The following ZNF804A variants were observed in gnomAD, a reference collection of about 807,000 sequenced individuals.
ZNF804A encodes the protein zinc finger protein 804A.
ZNF804A carries 2 observed loss-of-function variants against 16.5 expected under a neutral mutation model. The observed-to-expected ratio is 0.12, with a 90% CI of 0.05 to 0.38. The LOEUF (loss-of-function observed/expected upper bound fraction) is 0.38. Among genes scored for constraint, ZNF804A ranks in the 10% least tolerant of loss-of-function variants. The pLI, the probability that ZNF804A is intolerant of heterozygous loss-of-function variation, is 0.99. For synonymous variants in ZNF804A, 534 were observed against 489.6 expected (o/e 1.09, Z -1.20); for missense variants, 1,473 against 1,390.7 (o/e 1.06, Z -0.94).
intron 1 of ZNF804A, among the ~76,000 whole-genome samples, chr2:184,856,746 G>C (rs1220777802): frequency 6.6e-6 from 1 of 151,960 alleles, no homozygotes; most frequent in African/African-American, 2.4e-5. Flanking sequence ...ATCACCTTCA[G>C]GCCATGTTAA....
chr2:184,754,022 C>G (rs1693916066), intron 1 of ZNF804A, among the ~76,000 whole-genome samples: 1 of 151,838 alleles, frequency 6.6e-6, no homozygotes. Flanking sequence ...CTCACTCTCT[C>G]TCTATCTCCA....
intron 1 of ZNF804A, among the ~76,000 whole-genome samples, chr2:184,685,393 T>C (rs1481950060): frequency 1.3e-5 from 2 of 152,056 alleles, no homozygotes; most frequent in East Asian, 3.9e-4. Context: ...CTTCTTGTTA[T>C]CTGCAATGTG....
At chr2:184,697,921 G>A (rs1692858970) in intron 1 of ZNF804A, among the ~76,000 whole-genome samples, 1 of 152,130 alleles carries the variant, frequency 6.6e-6, no homozygotes, top group East Asian at 1.9e-4. Flanking sequence ...TATTCACTGG[G>A]TGGGTCTGAA....
At chr2:184,604,461 C>T (rs759913923) in intron 1 of ZNF804A, among the ~76,000 whole-genome samples, 11 of 151,990 alleles carry the variant, frequency 7.2e-5, no homozygotes, top group African/African-American at 9.7e-5. Flanking sequence ...GCGTGAGCCA[C>T]CGCGCTCGGC....
At chr2:184,845,352 T>C (rs72905749) in intron 1 of ZNF804A, among the ~76,000 whole-genome samples, 1 of 152,112 alleles carries the variant, frequency 6.6e-6, no homozygotes. Flanking sequence ...AACATTAGCC[T>C]CTTAATGTCT....
Position 184,937,375 on chromosome 2 carries a change from C to T in ZNF804A, c.1979C>T (p.Pro660Leu), listed in dbSNP as rs1047440098. The change falls in exon 4 of 4, where the codon CCC (proline) becomes CTC (leucine). Residue 660 changes from proline to leucine, a missense_variant. Physicochemically the swap from Pro to Leu is moderately conservative, Grantham distance 98. Transcript: ENST00000302277. ...TCACATCAGTTACTTGATAAAAGGCCCAAATCAGAATCCATATCCTTAAGT... is the reference window on the plus strand; with the variant it reads ...TCACATCAGTTACTTGATAAAAGGCTCAAATCAGAATCCATATCCTTAAGT... ...LDSHQLLDKR[P>L]KSESISLSDN... The T allele has an allele frequency of 1.9e-6, 3 of 1,613,302 alleles. No homozygotes were observed. The highest frequency in any genetic ancestry group is 1.7e-6 in the Non-Finnish European group (2 of 1,179,790).
At chr2:184,798,755 T>C (rs1422742367) in intron 1 of ZNF804A, among the ~76,000 whole-genome samples, 1 of 152,146 alleles carries the variant, frequency 6.6e-6, no homozygotes, top group Non-Finnish European at 1.5e-5. Flanking sequence ...TTCCTCTTGG[T>C]TTGGATCCAT....
At chr2:184,863,215 G>T (rs993072463) in intron 1 of ZNF804A, among the ~76,000 whole-genome samples, 3 of 151,998 alleles carry the variant, frequency 2.0e-5, no homozygotes, top group Non-Finnish European at 4.4e-5. Flanking sequence ...GAATATTTGG[G>T]TTTAAATATG....
At chr2:184,675,094 G>A (rs932069425) in intron 1 of ZNF804A, among the ~76,000 whole-genome samples, 3 of 151,744 alleles carry the variant, frequency 2.0e-5, no homozygotes, top group Non-Finnish European at 4.4e-5. Context: ...ATGTAAGTAT[G>A]TACTGTGCAT....
At chr2:184,666,886 G>A (rs1376647971) in intron 1 of ZNF804A, among the ~76,000 whole-genome samples, 1 of 151,928 alleles carries the variant, frequency 6.6e-6, no homozygotes, top group African/African-American at 2.4e-5. Flanking sequence ...AAATTGAATT[G>A]CAGAAAACTG....
chr2:184,687,728 AC>A (rs1341883361), intron 1 of ZNF804A, among the ~76,000 whole-genome samples: 1 of 152,232 alleles, frequency 6.6e-6, no homozygotes, highest in Non-Finnish European at 1.5e-5. Flanking sequence ...TGTAATTAGT[AC>A]AACTGAATTA....
chr2:184,764,976 A>T (rs1316282761), intron 1 of ZNF804A, among the ~76,000 whole-genome samples: 2 of 152,190 alleles, frequency 1.3e-5, no homozygotes, highest in Non-Finnish European at 2.9e-5. Flanking sequence ...CTATTTTTTT[A>T]AAAAAACTAT....
Position 184,938,426 on chromosome 2 carries a change from A to G in ZNF804A, c.3030A>G (p.Ala1010=). Residue 1010 remains alanine (A), a synonymous_variant, in exon 4 of 4, where the codon GCA becomes GCG. Coordinates refer to ENST00000302277, the MANE Select transcript of ZNF804A (RefSeq NM_194250.2). The part of the protein sequence containing the change: ...NTQPPLPFKE[A]HVSGHTFVTA... Reference sequence around the variant, plus strand: ...AACCACCATTACCATTCAAAGAAGCACATGTCAGTGGTCATACTTTTGTAA... The same window carrying G: ...AACCACCATTACCATTCAAAGAAGCGCATGTCAGTGGTCATACTTTTGTAA... The G allele has an allele frequency of 6.2e-7, 1 of 1,614,120 alleles. No homozygotes were observed. The highest frequency in any genetic ancestry group is 8.5e-7 in the Non-Finnish European group (1 of 1,180,022).
chr2:184,662,395 T>TA (rs1692188590), intron 1 of ZNF804A, among the ~76,000 whole-genome samples: 1 of 152,216 alleles, frequency 6.6e-6, no homozygotes, highest in Non-Finnish European at 1.5e-5. Flanking sequence ...AGACTCATAA[T>TA]AAAGTTCCCT....
intron 1 of ZNF804A, among the ~76,000 whole-genome samples, chr2:184,657,595 A>G (rs987189319): frequency 1.3e-5 from 2 of 152,182 alleles, no homozygotes; most frequent in African/African-American, 4.8e-5. Flanking sequence ...AATGTATACA[A>G]TTTGGTGTAT....
chr2:184,726,945 AAAATTTAGAAGTT>A (rs1693422389), intron 1 of ZNF804A, among the ~76,000 whole-genome samples: 1 of 151,632 alleles, frequency 6.6e-6, no homozygotes, highest in South Asian at 2.1e-4. Context: ...TAATAATAGT[AAAATTTAGAAGTT>A]GAATGCTCTA....
intron 1 of ZNF804A, among the ~76,000 whole-genome samples, chr2:184,773,648 A>C (rs1694249230): frequency 6.6e-6 from 1 of 151,802 alleles, no homozygotes; most frequent in South Asian, 2.1e-4. Context: ...TTGGGGACTG[A>C]GGGAAAGAGT....
At chr2:184,679,533 C>T (rs986013671) in intron 1 of ZNF804A, among the ~76,000 whole-genome samples, 2 of 152,168 alleles carry the variant, frequency 1.3e-5, no homozygotes, top group African/African-American at 4.8e-5. Context: ...CTCCCGGGGG[C>T]TCAGGAAACC....
chr2:184,895,597 T>C (rs538271619), intron 2 of ZNF804A, among the ~76,000 whole-genome samples: 1 of 152,204 alleles, frequency 6.6e-6, no homozygotes, highest in Non-Finnish European at 1.5e-5. Flanking sequence ...GAAAACTCAG[T>C]TATAATTCTG....
Sources: gnomAD v4.1 joint callset for allele counts (sites outside exome capture counted in the v4.1 genomes callset) on GRCh38, gnomAD v4.1.1 for gene constraint, MANE v1.5 for transcripts, NCBI Gene and HGNC (gene_info 2026-07-23, HGNC 2026-07-21) for gene names.